The following EVI5 variants were observed in gnomAD, a reference collection of about 807,000 sequenced individuals.
EVI5 encodes the protein ecotropic viral integration site 5, also known as ecotropic viral integration site 5 protein homolog.
Under a neutral mutation model 112.0 loss-of-function variants are expected in EVI5, and 73 were observed. The ratio of observed to expected loss-of-function variants is 0.65; its 90% CI spans 0.54 to 0.79. EVI5 has a LOEUF of 0.79. Ranked by LOEUF, EVI5 falls within the 30% of genes least tolerant of loss-of-function variation. The pLI is 0.00. For missense variants in EVI5, 900 were observed against 968.8 expected, an observed-to-expected ratio of 0.93 and a Z score of 0.94; for synonymous variants, 305 against 319.9, an observed-to-expected ratio of 0.95 and a Z score of 0.50.
intron 2 of EVI5, among the ~76,000 whole-genome samples, chr1:92,709,940 G>A (rs1467314681): frequency 6.6e-6 from 1 of 151,904 alleles, no homozygotes; most frequent in African/African-American, 2.4e-5. Context: ...AATTTACAAA[G>A]CCTTGAGCTT....
At chr1:92,684,867 T>C (rs1327170452) in intron 9 of EVI5, among the ~76,000 whole-genome samples, 2 of 152,098 alleles carry the variant, frequency 1.3e-5, no homozygotes, top group African/African-American at 4.8e-5. Context: ...ATCCTAAATA[T>C]ACATGCACCC....
intron 16 of EVI5, among the ~76,000 whole-genome samples, chr1:92,620,791 CAAAG>C (rs1432885561): frequency 6.6e-5 from 10 of 151,948 alleles, no homozygotes; most frequent in African/African-American, 1.7e-4. Context: ...TGGATCTGCA[CAAAG>C]AAAGAGTGCT....
chr1:92,706,896 C>T (rs972606396), intron 2 of EVI5, among the ~76,000 whole-genome samples: 1 of 151,982 alleles, frequency 6.6e-6, no homozygotes, highest in South Asian at 2.1e-4. Context: ...TACAGGAAAA[C>T]CATGGCCGGG....
At chr1:92,608,577 G>A (rs1377528395) in intron 16 of EVI5, among the ~76,000 whole-genome samples, 1 of 152,104 alleles carries the variant, frequency 6.6e-6, no homozygotes, top group East Asian at 1.9e-4. Flanking sequence ...GGTGGTGCAC[G>A]TCTATAATCC....
chr1:92,572,966 T>C (rs1024592395), intron 18 of EVI5, among the ~76,000 whole-genome samples: 2 of 152,102 alleles, frequency 1.3e-5, no homozygotes, highest in African/African-American at 4.8e-5. Flanking sequence ...CTGAAGCATA[T>C]TCTACTTCTA....
chr1:92,625,768 A>G, intron 15 of EVI5, 26 bp downstream of exon 15: 1 of 1,601,910 alleles, frequency 6.2e-7, no homozygotes, highest in Non-Finnish European at 8.5e-7. Flanking sequence ...CTCTTTTAAA[A>G]AAGCACACAA....
chr1:92,574,596 CT>C (rs1670776036), intron 18 of EVI5, among the ~76,000 whole-genome samples: 1 of 152,040 alleles, frequency 6.6e-6, no homozygotes, highest in Non-Finnish European at 1.5e-5. Context: ...TTGAAAAACA[CT>C]GGGGAGGTAA....
In EVI5 at chr1:92,661,185, C is replaced by CAATA. The variant is rs575858560; in HGVS notation, c.1392+1530_1392+1533dup. 5.9e-5 allele frequency among the ~76,000 whole-genome samples: 9 copies of CAATA among 151,914 alleles called. No individual in the cohort carries two copies. In the South Asian group the frequency reaches 8.3e-4, roughly 14 times the overall value. On this transcript the variant is annotated intron_variant, in intron 13 of 19. Coordinates refer to ENST00000684568, the MANE Select transcript of EVI5 (RefSeq NM_001350197.2). Reference sequence around the variant, plus strand: ...GCGGTGGATGCTTATATTGGTAATTCAATACCTCCTGCTGGAATACAAATT... The same window carrying CAATA: ...GCGGTGGATGCTTATATTGGTAATTCAATAAATACCTCCTGCTGGAATACAAATT...
chr1:92,519,979 G>A (rs2101705055), intron 19 of EVI5, among the ~76,000 whole-genome samples: 1 of 151,176 alleles, frequency 6.6e-6, no homozygotes, highest in Non-Finnish European at 1.5e-5. Flanking sequence ...TATATGAAAT[G>A]TCCAGAACAG....
At chr1:92,633,724 G>C (rs556938517) in intron 14 of EVI5, among the ~76,000 whole-genome samples, 1 of 152,172 alleles carries the variant, frequency 6.6e-6, no homozygotes, top group African/African-American at 2.4e-5. Flanking sequence ...TATGATGTTA[G>C]CTGATAACGA....
chr1:92,647,576 A>G (rs1383106926), intron 13 of EVI5: 3 of 538,188 alleles, frequency 5.6e-6, no homozygotes, highest in Non-Finnish European at 7.0e-6. Flanking sequence ...TCTTCTCTGC[A>G]TGTCTGCACA....
At chr1:92,544,216 A>T (rs570126010) in intron 19 of EVI5, among the ~76,000 whole-genome samples, 1 of 152,212 alleles carries the variant, frequency 6.6e-6, no homozygotes, top group Admixed American at 6.5e-5. Context: ...CTAAATGAGC[A>T]TAGGATTTCT....
intron 14 of EVI5, among the ~76,000 whole-genome samples, chr1:92,629,449 G>A (rs1362874494): frequency 1.3e-5 from 2 of 152,156 alleles, no homozygotes; most frequent in African/African-American, 2.4e-5. Flanking sequence ...TTTGGAGTTT[G>A]TAATCTAGAA....
In EVI5 at chr1:92,687,247, C is replaced by T. The variant is rs181746171; in HGVS notation, c.1097+6555G>A. On this transcript the variant is annotated intron_variant, in intron 9 of 19. Transcript: ENST00000684568. ...CAGAAATAACACCACACATCTACAA[C>T]CATCTGCTCTTTGACAAACCTGACA... is the stretch of plus-strand genomic sequence containing the variant. Among the ~76,000 whole-genome samples, 105 of 152,254 alleles carry T rather than the reference C, an allele frequency of 6.9e-4. 1 individual carries two copies. Among genetic ancestry groups the T allele is most frequent in the Non-Finnish European group, 1.2e-3 (82 of 68,014 alleles).
chr1:92,536,549 T>C (rs1663933670), intron 19 of EVI5, among the ~76,000 whole-genome samples: 1 of 152,228 alleles, frequency 6.6e-6, no homozygotes, highest in African/African-American at 2.4e-5. Context: ...ATGAATATTC[T>C]GAAGCCCCAA....
chr1:92,724,225 T>A (rs1468983446), intron 2 of EVI5, among the ~76,000 whole-genome samples: 6 of 151,986 alleles, frequency 3.9e-5, no homozygotes, highest in Non-Finnish European at 8.8e-5. Context: ...ATCATCAAGG[T>A]CCTACCAATA....
At chr1:92,728,419 C>T (rs1675948264) in intron 2 of EVI5, among the ~76,000 whole-genome samples, 2 of 149,350 alleles carry the variant, frequency 1.3e-5, no homozygotes, top group Non-Finnish European at 3.0e-5. Flanking sequence ...CTCGCTCTGT[C>T]GCCCAGGCTA....
At chr1:92,718,513 T>C (rs950959383) in intron 2 of EVI5, among the ~76,000 whole-genome samples, 1 of 152,304 alleles carries the variant, frequency 6.6e-6, no homozygotes, top group East Asian at 1.9e-4. Context: ...AGACACAATG[T>C]ACCAGAATTT....
intron 10 of EVI5, among the ~76,000 whole-genome samples, chr1:92,676,725 AGTC>A (rs978202159): frequency 6.6e-6 from 1 of 152,216 alleles, no homozygotes; most frequent in Admixed American, 6.5e-5. Flanking sequence ...GAGAAGAAAA[AGTC>A]GTATCAGTCA....
Sources: gnomAD v4.1 joint callset for allele counts (sites outside exome capture counted in the v4.1 genomes callset) on GRCh38, gnomAD v4.1.1 for gene constraint, MANE v1.5 for transcripts, NCBI Gene and HGNC (gene_info 2026-07-23, HGNC 2026-07-21) for gene names.